The following DLG2 variants were observed in gnomAD, a reference collection of about 807,000 sequenced individuals.
DLG2 encodes the protein disks large homolog 2.
In DLG2, 45 loss-of-function variants were observed where a neutral mutation model predicts 132.5. That is an observed-to-expected ratio of 0.34 (90% CI 0.27 to 0.44). The LOEUF (loss-of-function observed/expected upper bound fraction) is 0.44. DLG2 is among the 20% of genes least tolerant of loss of function. DLG2 has a pLI of 1.00. For missense variants in DLG2, 1,045 were observed against 1,196.9 expected (o/e 0.87, Z 1.87); for synonymous variants, 424 against 419.6 (o/e 1.01, Z -0.13).
intron 3 of DLG2, among the ~76,000 whole-genome samples, chr11:85,434,205 C>G (rs1035519026): frequency 6.6e-6 from 1 of 151,992 alleles, no homozygotes; most frequent in Non-Finnish European, 1.5e-5. Context: ...CCCTAAATGC[C>G]CACATCAGAA....
In DLG2 at chr11:84,680,086, T is replaced by C. The variant is rs548273722; in HGVS notation, c.358-145355A>G. On this transcript the variant is annotated intron_variant, in intron 6 of 27. Transcript: ENST00000376104. ...CCATTTCCAACTCTTCACTTCTTTA[T>C]ACATGATAGTGACATCTTTCAGTGT... Among the ~76,000 whole-genome samples, 5 of 152,242 alleles carry C rather than the reference T, an allele frequency of 3.3e-5. No individual in the cohort carries two copies. The East Asian group carries it at 7.8e-4, about 24-fold the overall frequency.
Position 85,612,690 on chromosome 11 carries a change from A to C in DLG2, c.-93+13897T>G, listed in dbSNP as rs145446341. On this transcript the variant is annotated intron_variant, in intron 2 of 27. Transcript: ENST00000376104. Reference sequence around the variant, plus strand: ...TATCCTAACTTCTAATCTTATGAAAATCAGACCTTATCAGTACCCCTCAAA... The same window carrying C: ...TATCCTAACTTCTAATCTTATGAAACTCAGACCTTATCAGTACCCCTCAAA... 6.1e-4 allele frequency among the ~76,000 whole-genome samples: 93 copies of C among 152,334 alleles called. No individual in the cohort carries two copies. In the East Asian group the frequency reaches 0.017, roughly 28 times the overall value.
chr11:85,068,405 T>C (rs566884495), intron 6 of DLG2, among the ~76,000 whole-genome samples: 7 of 152,242 alleles, frequency 4.6e-5, no homozygotes, highest in African/African-American at 1.4e-4. Flanking sequence ...GGAAACCCCA[T>C]AGTCTCAGCC....
chr11:84,323,359 ATAT>A (rs1345998783), intron 7 of DLG2, among the ~76,000 whole-genome samples: 1 of 152,190 alleles, frequency 6.6e-6, no homozygotes, highest in Non-Finnish European at 1.5e-5. Context: ...TTGTTGTAGC[ATAT>A]GATAGGATTT....
chr11:84,417,895 T>C (rs12275021), intron 7 of DLG2, among the ~76,000 whole-genome samples: 23,503 of 152,152 alleles, frequency 0.15, 3,439 homozygotes, highest in African/African-American at 0.38. Context: ...CACCTGGGAA[T>C]GGACTTCCTA....
intron 6 of DLG2, among the ~76,000 whole-genome samples, chr11:85,018,595 A>G (rs1021953167): frequency 4.6e-5 from 7 of 152,130 alleles, no homozygotes; most frequent in Non-Finnish European, 8.8e-5. Flanking sequence ...GAACAGAGAT[A>G]TCCCTTTCTC....
At chr11:85,105,764 C>T (rs1272888877) in intron 6 of DLG2, among the ~76,000 whole-genome samples, 1 of 151,900 alleles carries the variant, frequency 6.6e-6, no homozygotes, top group Non-Finnish European at 1.5e-5. Context: ...TTTCGAAAGA[C>T]AACTCTTCAA....
intron 9 of DLG2, among the ~76,000 whole-genome samples, chr11:84,135,172 T>C (rs898294293): frequency 6.6e-6 from 1 of 152,104 alleles, no homozygotes; most frequent in Non-Finnish European, 1.5e-5. Flanking sequence ...GAACACATGA[T>C]AGGTGATCAG....
At chr11:84,418,140 T>A (rs1183809363) in intron 7 of DLG2, among the ~76,000 whole-genome samples, 2 of 152,218 alleles carry the variant, frequency 1.3e-5, no homozygotes, top group Non-Finnish European at 2.9e-5. Context: ...TAAAAGGAGT[T>A]TGCATATGGT....
chr11:84,405,391 T>C (rs2098845147), intron 7 of DLG2, among the ~76,000 whole-genome samples: 1 of 152,166 alleles, frequency 6.6e-6, no homozygotes, highest in Admixed American at 6.5e-5. Flanking sequence ...GCTCTATGTC[T>C]TGGGCAAGTC....
chr11:84,676,894 G>A (rs2099713094), intron 6 of DLG2, among the ~76,000 whole-genome samples: 1 of 152,062 alleles, frequency 6.6e-6, no homozygotes, highest in South Asian at 2.1e-4. Context: ...AGGAAAAGAT[G>A]TTCCAGGCAG....
At chr11:83,762,165 G>C (rs1297722241) in intron 18 of DLG2, among the ~76,000 whole-genome samples, 1 of 152,228 alleles carries the variant, frequency 6.6e-6, no homozygotes, top group Non-Finnish European at 1.5e-5. Context: ...CACAAATCCA[G>C]ATCCATTTAT....
At chr11:83,472,881 C>A in intron 22 of DLG2, 104 bp from the exon 23 acceptor site, 1 of 936,572 alleles carries the variant, frequency 1.1e-6, no homozygotes, top group Non-Finnish European at 1.7e-6. Flanking sequence ...AGAGTTAATT[C>A]TCCTTGCTCT....
chr11:85,220,502 G>A (rs1328102481), intron 4 of DLG2, among the ~76,000 whole-genome samples: 1 of 151,956 alleles, frequency 6.6e-6, no homozygotes, highest in Non-Finnish European at 1.5e-5. Context: ...ATGGAGGATA[G>A]TACAGAGATC....
intron 3 of DLG2, among the ~76,000 whole-genome samples, chr11:85,309,259 T>C (rs2080163035): frequency 1.3e-5 from 2 of 152,028 alleles, no homozygotes; most frequent in South Asian, 2.1e-4. Context: ...CCAATCTAAG[T>C]CCAGCTCAGA....
chr11:84,470,086 A>G (rs964627305), intron 7 of DLG2, among the ~76,000 whole-genome samples: 1 of 151,802 alleles, frequency 6.6e-6, no homozygotes, highest in Non-Finnish European at 1.5e-5. Flanking sequence ...AGGTATAGTA[A>G]AAGTGTGATA....
chr11:84,708,539 T>A (rs2060022671), intron 6 of DLG2, among the ~76,000 whole-genome samples: 1 of 151,808 alleles, frequency 6.6e-6, no homozygotes, highest in Admixed American at 6.6e-5. Flanking sequence ...CAGCCACATT[T>A]TTTTTTTCTT....
chr11:83,970,461 T>C (rs528078126), intron 12 of DLG2, among the ~76,000 whole-genome samples: 1 of 152,316 alleles, frequency 6.6e-6, no homozygotes, highest in Non-Finnish European at 1.5e-5. Flanking sequence ...CAGTTTCTAT[T>C]TGGTGACTGA....
At chr11:83,772,077 A>G (rs1223403485) in intron 18 of DLG2, among the ~76,000 whole-genome samples, 2 of 152,096 alleles carry the variant, frequency 1.3e-5, no homozygotes, top group Admixed American at 1.3e-4. Context: ...TCCCTTGGCA[A>G]TCTACAGAAG....
Sources: allele counts gnomAD v4.1 joint callset (sites outside exome capture counted in the v4.1 genomes callset), GRCh38; gene constraint gnomAD v4.1.1; transcripts MANE v1.5; gene names NCBI Gene and HGNC (gene_info 2026-07-23, HGNC 2026-07-21).